The following CNTNAP4 variants were observed in gnomAD, a reference collection of about 807,000 sequenced individuals.
CNTNAP4 encodes the protein contactin associated protein family member 4.
In CNTNAP4, 98 loss-of-function variants were observed where a neutral mutation model predicts 148.4. The ratio of observed to expected loss-of-function variants is 0.66; its 90% CI spans 0.56 to 0.78. CNTNAP4 has a LOEUF of 0.78. Ranked by LOEUF, CNTNAP4 falls within the 30% of genes least tolerant of loss-of-function variation. The pLI is 0.00. For missense variants in CNTNAP4, 1,935 were observed against 1,565.6 expected, an observed-to-expected ratio of 1.24 and a Z score of -3.98; for synonymous variants, 730 against 565.1, an observed-to-expected ratio of 1.29 and a Z score of -4.14.
chr16:76,342,894 TC>T (rs1964595522), intron 2 of CNTNAP4, among the ~76,000 whole-genome samples: 1 of 152,170 alleles, frequency 6.6e-6, no homozygotes, highest in African/African-American at 2.4e-5. Flanking sequence ...AGTAATAGAT[TC>T]TCCATTTTGC....
At chr16:76,554,290 T>A (rs147094123) in intron 23 of CNTNAP4, among the ~76,000 whole-genome samples, 1 of 152,304 alleles carries the variant, frequency 6.6e-6, no homozygotes, top group East Asian at 1.9e-4. Context: ...CTGGAAAGGT[T>A]CATGCAAAAA....
intron 19 of CNTNAP4, 60 bp from the exon 20 acceptor site, chr16:76,539,659 A>G: frequency 7.1e-7 from 1 of 1,403,742 alleles, no homozygotes; most frequent in South Asian, 1.3e-5. Flanking sequence ...CTGATTTTTA[A>G]GTAAGCCGCT....
At chr16:76,354,586 G>C (rs576094206) in intron 2 of CNTNAP4, among the ~76,000 whole-genome samples, 1 of 152,164 alleles carries the variant, frequency 6.6e-6, no homozygotes, top group Admixed American at 6.5e-5. Flanking sequence ...AGTTTCCGTG[G>C]TTTAAATACT....
intron 3 of CNTNAP4, among the ~76,000 whole-genome samples, chr16:76,397,509 T>A (rs2078243001): frequency 6.6e-6 from 1 of 151,904 alleles, no homozygotes. Flanking sequence ...ACAGCACACA[T>A]CAGATACGCA....
chr16:76,357,665 A>G (rs2012864922), intron 3 of CNTNAP4, among the ~76,000 whole-genome samples: 1 of 152,224 alleles, frequency 6.6e-6, no homozygotes, highest in African/African-American at 2.4e-5. Flanking sequence ...TGTCACAGTC[A>G]AATATTAAAT....
chr16:76,423,139 T>A (rs1035341210), intron 3 of CNTNAP4, among the ~76,000 whole-genome samples: 1 of 152,198 alleles, frequency 6.6e-6, no homozygotes, highest in Non-Finnish European at 1.5e-5. Context: ...TTTTGGACTT[T>A]CCAGCCTCCA....
intron 21 of CNTNAP4, among the ~76,000 whole-genome samples, chr16:76,542,981 C>T (rs2084529253): frequency 6.6e-6 from 1 of 152,118 alleles, no homozygotes; most frequent in Non-Finnish European, 1.5e-5. Flanking sequence ...TTGTATTAAC[C>T]AAACAGTAGA....
At chr16:76,526,417 A>G (rs2083733743) in intron 17 of CNTNAP4, among the ~76,000 whole-genome samples, 1 of 152,016 alleles carries the variant, frequency 6.6e-6, no homozygotes. Context: ...CATAATTTTC[A>G]TTTTTCAAGC....
At chr16:76,553,688 T>G in intron 22 of CNTNAP4, 148 bp from the exon 23 acceptor site, 1 of 646,330 alleles carries the variant, frequency 1.5e-6, no homozygotes, top group East Asian at 2.7e-5. Flanking sequence ...TGGGGGTCAT[T>G]GCCATTGACA....
chr16:76,552,194 G>A (rs1208058463), intron 21 of CNTNAP4, among the ~76,000 whole-genome samples: 1 of 152,146 alleles, frequency 6.6e-6, no homozygotes, highest in African/African-American at 2.4e-5. Flanking sequence ...CATCTCATGA[G>A]AACTCACTCA....
intron 12 of CNTNAP4, among the ~76,000 whole-genome samples, chr16:76,483,332 G>T (rs1024753401): frequency 6.6e-6 from 1 of 150,906 alleles, no homozygotes; most frequent in Non-Finnish European, 1.5e-5. Context: ...AAGAACACTG[G>T]ATTGGAAAAC....
intron 1 of CNTNAP4, among the ~76,000 whole-genome samples, chr16:76,307,246 G>C (rs932250663): frequency 6.6e-6 from 1 of 151,866 alleles, no homozygotes; most frequent in Non-Finnish European, 1.5e-5. Flanking sequence ...CAGACAATTT[G>C]CAGGTATTGA....
chr16:76,314,179 G>T (rs1339361426), intron 1 of CNTNAP4, among the ~76,000 whole-genome samples: 2 of 152,146 alleles, frequency 1.3e-5, no homozygotes, highest in African/African-American at 4.8e-5. Flanking sequence ...AAATGTATGT[G>T]CATGTGTAAT....
At chr16:76,522,634 C>CTTCCTTCCTTCT (rs151001744) in intron 17 of CNTNAP4, among the ~76,000 whole-genome samples, 8,185 of 73,138 alleles carry the variant, frequency 0.11, 1,244 homozygotes, top group East Asian at 0.2. Context: ...TCCTTCCTTC[C>CTTCCTTCCTTCT]TTCTTTCTTT....
chr16:76,380,690 A>C (rs577439585), intron 3 of CNTNAP4, among the ~76,000 whole-genome samples: 2 of 152,284 alleles, frequency 1.3e-5, no homozygotes, highest in East Asian at 3.9e-4. Flanking sequence ...ACCTTTATAT[A>C]GCTGAAGGGC....
chr16:76,529,048 T>A (rs937118806), intron 17 of CNTNAP4, among the ~76,000 whole-genome samples: 1 of 152,242 alleles, frequency 6.6e-6, no homozygotes, highest in Non-Finnish European at 1.5e-5. Flanking sequence ...ATCAGCGTAA[T>A]GTGATAGATT....
At chr16:76,404,470 A>G (rs7185155) in intron 3 of CNTNAP4, among the ~76,000 whole-genome samples, 58,467 of 151,860 alleles carry the variant, frequency 0.39, 11,469 homozygotes, top group Middle Eastern at 0.5. Flanking sequence ...AAAGAGGTCA[A>G]TATTGGGACT....
intron 3 of CNTNAP4, among the ~76,000 whole-genome samples, chr16:76,368,214 G>A (rs2014385878): frequency 6.6e-6 from 1 of 151,834 alleles, no homozygotes; most frequent in Non-Finnish European, 1.5e-5. Flanking sequence ...AAGATAAAGA[G>A]TAGGAAAAAA....
chr16:76,329,327 T>C (rs1963299771), intron 2 of CNTNAP4, among the ~76,000 whole-genome samples: 1 of 152,222 alleles, frequency 6.6e-6, no homozygotes, highest in Non-Finnish European at 1.5e-5. Flanking sequence ...CTCTCTGGTT[T>C]TCCCATTTAA....
Sources: gnomAD v4.1 joint callset for allele counts (sites outside exome capture counted in the v4.1 genomes callset) on GRCh38, gnomAD v4.1.1 for gene constraint, MANE v1.5 for transcripts, NCBI Gene and HGNC (gene_info 2026-07-23, HGNC 2026-07-21) for gene names.